PGLYRP4: variants seen among roughly 807,000 people sequenced by gnomAD.
The protein encoded by PGLYRP4 is peptidoglycan recognition protein 4.
In PGLYRP4, 39 loss-of-function variants were observed where a neutral mutation model predicts 41.2. The observed-to-expected ratio is 0.95, with a 90% CI of 0.73 to 1.24. The LOEUF (loss-of-function observed/expected upper bound fraction) is 1.24, where lower values mean the gene tolerates loss of function less well. PGLYRP4 is among the 50% of genes most tolerant of loss of function. The pLI, the probability that PGLYRP4 is intolerant of heterozygous loss-of-function variation, is 0.00. For synonymous variants in PGLYRP4, 202 were observed against 186.8 expected, an observed-to-expected ratio of 1.08 and a Z score of -0.66; for missense variants, 467 against 460.7, an observed-to-expected ratio of 1.01 and a Z score of -0.13.
At chr1:153,340,642 C>T in intron 6 of PGLYRP4, 63 bp from the exon 7 acceptor site, 1 of 1,527,468 alleles carries the variant, frequency 6.5e-7, no homozygotes, top group Non-Finnish European at 9.0e-7. Context: ...CACTTCTCCA[C>T]CGTAGGCTGA....
rs148080127 is a variant in PGLYRP4 at position 153,343,102 on chromosome 1, C to T, written c.460G>A (p.Gly154Ser). Reference protein sequence around the residue: ...NNISLGFAFFGTKKGHSPSPA... With the variant: ...NNISLGFAFFSTKKGHSPSPA... ...TGATAACTGTTACCTTTCTTAGTGC[C>T]AAAGAAGGCAAAGCCCAGGGAGATG... Residue 154 changes from glycine (G) to serine (S), a missense_variant, in exon 5 of 9, where the codon GGC (glycine) becomes AGC (serine). By Grantham distance (56) the Gly-to-Ser change is moderately conservative. Coordinates refer to ENST00000359650, the MANE Select transcript of PGLYRP4 (RefSeq NM_020393.4). The T allele has an allele frequency of 2.1e-4, 341 of 1,604,770 alleles. No homozygotes were observed. In the African/African-American group the frequency reaches 3.8e-3, roughly 18 times the overall value.
chr1:153,347,286 G>A (rs888493797), intron 2 of PGLYRP4, among the ~76,000 whole-genome samples: 2 of 150,822 alleles, frequency 1.3e-5, no homozygotes, highest in African/African-American at 4.9e-5. Flanking sequence ...TTATCTGCAT[G>A]CCTCGGCTTC....
chr1:153,347,675 A>G (rs935471694), intron 2 of PGLYRP4, among the ~76,000 whole-genome samples: 2 of 151,510 alleles, frequency 1.3e-5, no homozygotes, highest in African/African-American at 4.9e-5. Flanking sequence ...CCTGGCCAAG[A>G]GAGAGTAGTT....
rs143323552 is a variant in PGLYRP4 at position 153,336,169 on chromosome 1, G to A, written c.943+1012C>T. ...GGGAGGATCATGAGGTCAGGAGTTC[G>A]AGACAAGTCTGGCCAACATGATGAA... On this transcript the variant is annotated intron_variant, in intron 8 of 8. Coordinates refer to ENST00000359650, the MANE Select transcript of PGLYRP4 (RefSeq NM_020393.4). Among the ~76,000 whole-genome samples the A allele has an allele frequency of 5.0e-3, 757 of 151,844 alleles. 9 individuals carry two copies. The highest frequency in any genetic ancestry group is 0.01 in the Middle Eastern group (3 of 294).
chr1:153,345,634 G>A (rs1250697272), intron 3 of PGLYRP4, among the ~76,000 whole-genome samples: 1 of 152,210 alleles, frequency 6.6e-6, no homozygotes, highest in East Asian at 1.9e-4. Context: ...CTCCCCTGCT[G>A]TGGTCCAGGC....
chr1:153,338,656 C>T (rs988757013), intron 7 of PGLYRP4, among the ~76,000 whole-genome samples: 13 of 152,136 alleles, frequency 8.5e-5, no homozygotes, highest in East Asian at 3.9e-4. Context: ...TCCCCACAGG[C>T]GCCTCTCTCA....
At position 153,330,967 on chromosome 1, in the gene PGLYRP4, T is replaced by G. The variant is rs777427595; in HGVS notation, c.944-22A>C. 5 of 1,602,784 alleles carry G rather than the reference T, an allele frequency of 3.1e-6. No individual in the cohort carries two copies. In the East Asian group the frequency reaches 9.0e-5, roughly 29 times the overall value. On this transcript the variant is annotated intron_variant, in intron 8 of 8. Coordinates refer to ENST00000359650, the MANE Select transcript of PGLYRP4 (RefSeq NM_020393.4). ...ATACCTGCAAAACACAGCAGCCCAT[T>G]GTCTACAGGATTACAGGGCACCCTG...
intron 8 of PGLYRP4, among the ~76,000 whole-genome samples, chr1:153,331,222 C>A (rs1660323844): frequency 6.6e-6 from 1 of 152,118 alleles, no homozygotes; most frequent in African/African-American, 2.4e-5. Context: ...TATAAGGGTG[C>A]AATTTAGCCC....
At position 153,345,275 on chromosome 1, in the gene PGLYRP4, G is replaced by T; in HGVS notation, c.247C>A (p.His83Asn). 6.2e-7 allele frequency: 1 copy of T among 1,614,136 alleles called. No homozygotes were observed. The highest frequency in any genetic ancestry group is 8.5e-7 in the Non-Finnish European group (1 of 1,179,986). The change falls in exon 4 of 9, where the codon CAT becomes AAT. Residue 83 changes from histidine to asparagine, a missense_variant. By Grantham distance (68) the His-to-Asn change is moderately conservative. Transcript: ENST00000359650. ...TCGTGACACTCCAGTCCAGGGACAT[G>T]GTGTATAACAAGGACATTCACTGGC... Reference protein sequence around the residue: ...TTPVNVLVIHHVPGLECHDQT... With the variant: ...TTPVNVLVIHNVPGLECHDQT...
chr1:153,341,581 G>C, intron 6 of PGLYRP4, 46 bp downstream of exon 6: 1 of 1,559,004 alleles, frequency 6.4e-7, no homozygotes, highest in African/African-American at 1.4e-5. Flanking sequence ...GAGTTAGTTG[G>C]GGTGAGCCCA....
chr1:153,337,675 G>A (rs147535115), intron 7 of PGLYRP4, among the ~76,000 whole-genome samples: 2 of 152,216 alleles, frequency 1.3e-5, no homozygotes, highest in Non-Finnish European at 2.9e-5. Context: ...ACACCACTGC[G>A]GCCCCCAGGT....
chr1:153,330,909 T>C lies in PGLYRP4; in HGVS notation c.980A>G (p.Gln327Arg). ...PPNAAALEAA[Q>R]DLIQCAMVKG... The stretch of plus-strand genomic sequence containing the variant: ...GACCATGGCACACTGGATCAGGTCT[T>C]GGGCTGCCTCTAGTGCTGCAGCATT... Residue 327 changes from glutamine to arginine, a missense_variant, in exon 9 of 9, where the codon CAA becomes CGA. Coordinates refer to ENST00000359650, the MANE Select transcript of PGLYRP4 (RefSeq NM_020393.4). 2 of 1,613,990 alleles carry C rather than the reference T, an allele frequency of 1.2e-6. No homozygotes were observed. The highest frequency in any genetic ancestry group is 1.7e-6 in the Non-Finnish European group (2 of 1,179,932).
chr1:153,333,891 G>A (rs1557822810), intron 8 of PGLYRP4, among the ~76,000 whole-genome samples: 1 of 151,926 alleles, frequency 6.6e-6, no homozygotes, highest in African/African-American at 2.4e-5. Context: ...CAACAAACTA[G>A]GCATCAAAAG....
Position 153,340,365 on chromosome 1 carries a change from A to G in PGLYRP4, c.824+16T>C, listed in dbSNP as rs774262911. 21 of 1,611,808 alleles carry G rather than the reference A, an allele frequency of 1.3e-5. No individual in the cohort carries two copies. The highest frequency in any genetic ancestry group is 1.2e-4 in the Admixed American group (7 of 60,000). The stretch of plus-strand genomic sequence containing the variant: ...CCCCAAGGGAAAAGAAGCCCAGTGT[A>G]CCCAGACCCACTCACTTATAACCAA... On this transcript the variant is annotated intron_variant, in intron 7 of 8. Transcript: ENST00000359650.
rs993204849 is a variant in PGLYRP4, at chr1:153,343,623, C to T, written c.354-415G>A. ...CTGTTCATTTGATTTCTCCCTGTCA[C>T]GTAACTGTCCTACATAGACTTCCCA... On this transcript the variant is annotated intron_variant, in intron 4 of 8. Coordinates refer to ENST00000359650, the MANE Select transcript of PGLYRP4 (RefSeq NM_020393.4). Among the ~76,000 whole-genome samples the T allele has an allele frequency of 3.9e-5, 6 of 152,168 alleles. No individual in the cohort carries two copies. The South Asian group carries it at 1.0e-3, about 26-fold the overall frequency.
chr1:153,341,573 G>A (rs934819192), intron 6 of PGLYRP4, 54 bp downstream of exon 6: 61 of 1,520,196 alleles, frequency 4.0e-5, no homozygotes, highest in Non-Finnish European at 2.7e-6. Context: ...GTATTTGCGA[G>A]TTAGTTGGGG....
intron 4 of PGLYRP4, chr1:153,344,965 C>T: frequency 3.5e-6 from 2 of 569,388 alleles, no homozygotes; most frequent in Middle Eastern, 4.7e-4. Flanking sequence ...TTCCTTGCTT[C>T]CTCCTGGGAG....
chr1:153,340,690 G>A (rs1375961020), intron 6 of PGLYRP4, 111 bp from the exon 7 acceptor site: 2 of 1,092,162 alleles, frequency 1.8e-6, no homozygotes, highest in East Asian at 2.6e-5. Context: ...AAACCCCTCT[G>A]GGTCTCCCAC....
intron 5 of PGLYRP4, among the ~76,000 whole-genome samples, chr1:153,342,142 A>C (rs2916214): frequency 0.83 from 126,413 of 152,152 alleles, 52,702 homozygotes; most frequent in Middle Eastern, 0.88. Flanking sequence ...TCATTTAATC[A>C]GCAGCACAAA....
Sources: allele counts gnomAD v4.1 joint callset (sites outside exome capture counted in the v4.1 genomes callset), GRCh38; gene constraint gnomAD v4.1.1; transcripts MANE v1.5; gene names NCBI Gene and HGNC (gene_info 2026-07-23, HGNC 2026-07-21).